CAMKMT: variants seen among roughly 807,000 people sequenced by gnomAD.
CAMKMT encodes the protein calmodulin-lysine N-methyltransferase, also known as CaM KMT.
Under a neutral mutation model 48.0 loss-of-function variants are expected in CAMKMT, and 53 were observed. The observed-to-expected ratio is 1.10, with a 90% CI of 0.89 to 1.39. The LOEUF (loss-of-function observed/expected upper bound fraction) is 1.39, where lower values mean the gene tolerates loss of function less well. Among genes scored for constraint, CAMKMT ranks in the 40% most tolerant of loss-of-function variants. The probability of loss-of-function intolerance (pLI) is 0.00; values close to 1 mark genes in which losing one functional copy is unlikely to be tolerated. For missense variants in CAMKMT, 428 were observed against 402.7 expected (o/e 1.06, Z -0.54); for synonymous variants, 165 against 152.3 (o/e 1.08, Z -0.61).
chr2:44,574,228 G>A (rs923977169), intron 3 of CAMKMT, among the ~76,000 whole-genome samples: 7 of 152,200 alleles, frequency 4.6e-5, no homozygotes, highest in African/African-American at 9.7e-5. Flanking sequence ...CCAAGATTGG[G>A]CAAGAGGCAG....
At chr2:44,465,317 G>T (rs1016374644) in intron 3 of CAMKMT, among the ~76,000 whole-genome samples, 8 of 152,106 alleles carry the variant, frequency 5.3e-5, no homozygotes, top group Admixed American at 1.3e-4. Context: ...AATGAAACAG[G>T]CTGGACGCAG....
intron 8 of CAMKMT, among the ~76,000 whole-genome samples, chr2:44,752,795 A>G (rs918954170): frequency 6.6e-6 from 1 of 152,194 alleles, no homozygotes; most frequent in Non-Finnish European, 1.5e-5. Flanking sequence ...GGCAGAAGGC[A>G]GGAGGGCAAA....
At chr2:44,444,991 T>G (rs1181718093) in intron 3 of CAMKMT, among the ~76,000 whole-genome samples, 1 of 152,116 alleles carries the variant, frequency 6.6e-6, no homozygotes, top group Non-Finnish European at 1.5e-5. Context: ...GAAAGAAAAC[T>G]GGATCTAAGG....
chr2:44,449,171 C>T (rs1162563791), intron 3 of CAMKMT, among the ~76,000 whole-genome samples: 1 of 152,120 alleles, frequency 6.6e-6, no homozygotes, highest in Non-Finnish European at 1.5e-5. Flanking sequence ...AAACTTCAAT[C>T]AGATCGTTTT....
intron 3 of CAMKMT, among the ~76,000 whole-genome samples, chr2:44,485,327 G>A (rs1301578325): frequency 6.6e-6 from 1 of 152,154 alleles, no homozygotes; most frequent in African/African-American, 2.4e-5. Context: ...CAAATAAATT[G>A]TGGTTTATTC....
intron 2 of CAMKMT, among the ~76,000 whole-genome samples, chr2:44,373,325 TAAGAC>T (rs1451456846): frequency 1.3e-5 from 2 of 152,196 alleles, no homozygotes; most frequent in African/African-American, 4.8e-5. Flanking sequence ...GAATCAATCT[TAAGAC>T]TAAAGGAGAA....
At chr2:44,768,955 T>C (rs1680984110) in intron 10 of CAMKMT, among the ~76,000 whole-genome samples, 1 of 152,164 alleles carries the variant, frequency 6.6e-6, no homozygotes, top group Admixed American at 6.5e-5. Context: ...TCTTTTCCGC[T>C]GTCCCGTCTT....
At chr2:44,584,969 G>A (rs575442412) in intron 3 of CAMKMT, among the ~76,000 whole-genome samples, 24 of 151,680 alleles carry the variant, frequency 1.6e-4, no homozygotes, top group African/African-American at 5.8e-4. Context: ...GCAGGAGAAT[G>A]ACATGAACCC....
chr2:44,409,068 G>C (rs1682981353), intron 3 of CAMKMT, among the ~76,000 whole-genome samples: 1 of 141,070 alleles, frequency 7.1e-6, no homozygotes, highest in Non-Finnish European at 1.5e-5. Flanking sequence ...ATTTTTAGTT[G>C]TTATTTCAGC....
chr2:44,483,936 C>T (rs1669093647), intron 3 of CAMKMT, among the ~76,000 whole-genome samples: 1 of 152,082 alleles, frequency 6.6e-6, no homozygotes, highest in Admixed American at 6.6e-5. Flanking sequence ...ATAATTGACT[C>T]TTTAAAAATT....
At chr2:44,555,503 G>C (rs1667958824) in intron 3 of CAMKMT, among the ~76,000 whole-genome samples, 1 of 152,178 alleles carries the variant, frequency 6.6e-6, no homozygotes, top group South Asian at 2.1e-4. Context: ...GAGCCTGTGG[G>C]ACAGTTAGAA....
rs557956952 is a variant in CAMKMT, at chr2:44,387,575, TG to T, written c.312-2665del. Among the ~76,000 whole-genome samples the T allele has an allele frequency of 4.0e-3, 610 of 152,274 alleles. 1 individual carries two copies. Among genetic ancestry groups the T allele is most frequent in the African/African-American group, 0.014 (578 of 41,566 alleles). On this transcript the variant is annotated intron_variant, in intron 2 of 10. Coordinates refer to ENST00000378494, the MANE Select transcript of CAMKMT (RefSeq NM_024766.5). The stretch of plus-strand genomic sequence containing the variant: ...TGTACTCTTTGTTGCCTGAGTACTT[TG>T]TTTTTTTTTGTTTTTGCTTTTTAAC...
At chr2:44,752,427 C>T (rs1680192198) in intron 8 of CAMKMT, among the ~76,000 whole-genome samples, 1 of 152,096 alleles carries the variant, frequency 6.6e-6, no homozygotes, top group South Asian at 2.1e-4. Flanking sequence ...CTAGCAATGC[C>T]CAGGAGCCCT....
chr2:44,447,736 A>G (rs1432432871), intron 3 of CAMKMT, among the ~76,000 whole-genome samples: 2 of 152,220 alleles, frequency 1.3e-5, no homozygotes, highest in Non-Finnish European at 2.9e-5. Flanking sequence ...GCCTGTTGTC[A>G]GTAGGGCATA....
intron 3 of CAMKMT, among the ~76,000 whole-genome samples, chr2:44,439,634 C>T (rs140111804): frequency 6.6e-6 from 1 of 151,838 alleles, no homozygotes; most frequent in Non-Finnish European, 1.5e-5. Flanking sequence ...GTCAGGAGAT[C>T]GAGACCATCC....
intron 3 of CAMKMT, among the ~76,000 whole-genome samples, chr2:44,476,132 C>T (rs1021436067): frequency 3.9e-5 from 6 of 152,114 alleles, no homozygotes; most frequent in African/African-American, 1.4e-4. Flanking sequence ...CTCAGGGTAG[C>T]ACTGTAGTTC....
At chr2:44,479,819 C>T (rs781116313) in intron 3 of CAMKMT, among the ~76,000 whole-genome samples, 1 of 152,066 alleles carries the variant, frequency 6.6e-6, no homozygotes, top group Non-Finnish European at 1.5e-5. Flanking sequence ...TTTTAAGTTC[C>T]ATTTTGTATT....
At chr2:44,663,874 A>C (rs973009748) in intron 3 of CAMKMT, among the ~76,000 whole-genome samples, 2 of 152,150 alleles carry the variant, frequency 1.3e-5, no homozygotes, top group African/African-American at 4.8e-5. Context: ...GCCTTTTAAC[A>C]CTTACATTCT....
intron 3 of CAMKMT, among the ~76,000 whole-genome samples, chr2:44,504,140 C>A (rs1355412420): frequency 1.3e-5 from 2 of 152,100 alleles, no homozygotes; most frequent in African/African-American, 4.8e-5. Context: ...AATACCATCA[C>A]ATTAGGGATT....
Sources: gnomAD v4.1 joint callset for allele counts (sites outside exome capture counted in the v4.1 genomes callset) on GRCh38, gnomAD v4.1.1 for gene constraint, MANE v1.5 for transcripts, NCBI Gene and HGNC (gene_info 2026-07-23, HGNC 2026-07-21) for gene names.